The following EML5 variants were observed in gnomAD, a reference collection of about 807,000 sequenced individuals.
EML5 encodes the protein echinoderm microtubule-associated protein-like 5.
A neutral mutation model predicts 250.0 loss-of-function variants in EML5; 120 were observed. The observed-to-expected ratio is 0.48, with a 90% CI of 0.41 to 0.56. The LOEUF is 0.56. EML5 is among the 20% of genes least tolerant of loss of function. EML5 has a pLI of 0.00. For synonymous variants in EML5, 771 were observed against 806.5 expected (o/e 0.96, Z 0.75); for missense variants, 2,006 against 2,437.6 (o/e 0.82, Z 3.73).
chr14:88,738,496 C>A (rs996318433), intron 6 of EML5, among the ~76,000 whole-genome samples: 1 of 151,554 alleles, frequency 6.6e-6, no homozygotes, highest in Non-Finnish European at 1.5e-5. Flanking sequence ...TTATCCTGAA[C>A]AAAAGTTTCC....
rs748201571 is a variant in EML5, at chr14:88,712,370, C to T, written c.1558G>A (p.Asp520Asn). ...TAATTTCCATCTACTGAATTTATAT[C>T]GTTGATATCTGAATACTTGGGCCAA... ...GIWPKYSDIN[D>N]INSVDGNYIG... The change falls in exon 10 of 44, where the codon GAT becomes AAT. Residue 520 changes from aspartate to asparagine, a missense_variant. By Grantham distance (23) the Asp-to-Asn change is conservative. Coordinates refer to ENST00000554922, the MANE Select transcript of EML5 (RefSeq NM_183387.3). The T allele has an allele frequency of 6.2e-6, 10 of 1,613,266 alleles. No homozygotes were observed. The highest frequency in any genetic ancestry group is 7.6e-6 in the Non-Finnish European group (9 of 1,179,438).
intron 21 of EML5, among the ~76,000 whole-genome samples, chr14:88,673,134 C>T (rs2092511640): frequency 6.6e-6 from 1 of 152,138 alleles, no homozygotes; most frequent in African/African-American, 2.4e-5. Flanking sequence ...ATGCAAAAGT[C>T]CTCAATAAAA....
intron 31 of EML5, among the ~76,000 whole-genome samples, chr14:88,642,433 A>G (rs1212588294): frequency 1.3e-5 from 2 of 152,168 alleles, no homozygotes; most frequent in African/African-American, 2.4e-5. Flanking sequence ...ACAGATAAAC[A>G]GCTTTCTTAG....
chr14:88,658,131 A>T, intron 26 of EML5, 56 bp downstream of exon 26: 2 of 1,545,330 alleles, frequency 1.3e-6, no homozygotes, highest in Non-Finnish European at 1.8e-6. Context: ...CACAGCTTAA[A>T]CAAGTTGTGC....
At chr14:88,768,417 CT>C (rs57996765) in intron 1 of EML5, among the ~76,000 whole-genome samples, 27 of 148,140 alleles carry the variant, frequency 1.8e-4, no homozygotes, top group African/African-American at 2.2e-4. Flanking sequence ...ATGTGATTGT[CT>C]TTTTTTTTTT....
intron 1 of EML5, among the ~76,000 whole-genome samples, chr14:88,779,715 A>C (rs2094478445): frequency 6.6e-6 from 1 of 152,156 alleles, no homozygotes. Context: ...TTCTCCATTA[A>C]TCCTTAGTTT....
chr14:88,707,192 C>A (rs1474150681), intron 10 of EML5, among the ~76,000 whole-genome samples: 3 of 151,804 alleles, frequency 2.0e-5, no homozygotes, highest in Admixed American at 2.0e-4. Flanking sequence ...TGGTATACAC[C>A]CAATTTCTCC....
chr14:88,787,506 A>T (rs556851726), intron 1 of EML5, among the ~76,000 whole-genome samples: 1 of 152,344 alleles, frequency 6.6e-6, no homozygotes, highest in African/African-American at 2.4e-5. Flanking sequence ...AATAAAGGAA[A>T]ATAATTAAAT....
intron 10 of EML5, among the ~76,000 whole-genome samples, chr14:88,711,239 T>G (rs2093400936): frequency 6.6e-6 from 1 of 151,254 alleles, no homozygotes; most frequent in South Asian, 2.1e-4. Flanking sequence ...CACCTAAATC[T>G]CATCTCGAAT....
chr14:88,646,889 A>G (rs1344940473), intron 29 of EML5, 58 bp downstream of exon 29: 1 of 1,558,688 alleles, frequency 6.4e-7, no homozygotes. Context: ...AATGCTAAAT[A>G]TGGAAGATGA....
intron 25 of EML5, among the ~76,000 whole-genome samples, chr14:88,658,729 T>TA (rs1412926242): frequency 1.3e-5 from 2 of 152,066 alleles, no homozygotes; most frequent in Non-Finnish European, 2.9e-5. Context: ...GCTATCTGTG[T>TA]AAAAAAATAC....
In EML5 at chr14:88,704,889, T is replaced by A; in HGVS notation, c.2022A>T (p.Gly674=). The A allele has an allele frequency of 6.2e-7, 1 of 1,613,148 alleles. No homozygotes were observed. Among genetic ancestry groups the A allele is most frequent in the East Asian group, 2.2e-5 (1 of 44,798 alleles). ...GAACAAAGTGTAATCGAATACTATT[T>A]CCTGGAGCCCGCTCTCTTCTTTTAG... ...ATSKRRERAP[G]NSIRLHFVHG... The change falls in exon 13 of 44, where the codon GGA becomes GGT. Residue 674 remains glycine (G), a synonymous_variant. Transcript: ENST00000554922.
chr14:88,622,541 G>A (rs774845375), intron 37 of EML5, 63 bp downstream of exon 37: 597 of 1,281,514 alleles, frequency 4.7e-4, no homozygotes, highest in Non-Finnish European at 6.0e-4. Flanking sequence ...AAGGGTGAGG[G>A]AATCACAGTA....
At chr14:88,622,895 A>T in intron 36 of EML5, 177 bp from the exon 37 acceptor site, 1 of 429,662 alleles carries the variant, frequency 2.3e-6, no homozygotes. Flanking sequence ...ACTATATCTC[A>T]GTCAAAATAA....
intron 31 of EML5, among the ~76,000 whole-genome samples, chr14:88,640,718 A>C (rs190777876): frequency 6.6e-6 from 1 of 152,286 alleles, no homozygotes; most frequent in East Asian, 1.9e-4. Context: ...CAGAGCAGAA[A>C]TGAACAATAC....
chr14:88,689,641 G>A (rs1370738020), intron 17 of EML5, among the ~76,000 whole-genome samples: 4 of 152,190 alleles, frequency 2.6e-5, no homozygotes, highest in African/African-American at 9.7e-5. Context: ...GGCTGAGGCA[G>A]GAGGCTAGCT....
intron 30 of EML5, among the ~76,000 whole-genome samples, chr14:88,643,244 G>C (rs1333469074): frequency 1.3e-5 from 2 of 152,002 alleles, no homozygotes; most frequent in African/African-American, 4.8e-5. Context: ...ATAAAGTTAT[G>C]AAAAGGAAAA....
At chr14:88,712,156 C>A in intron 10 of EML5, 115 bp downstream of exon 10, 1 of 686,084 alleles carries the variant, frequency 1.5e-6, no homozygotes, top group South Asian at 2.1e-5. Context: ...AACCCTTCAC[C>A]AATCAGTGTA....
chr14:88,780,880 GC>G, intron 1 of EML5, among the ~76,000 whole-genome samples: 1 of 151,972 alleles, frequency 6.6e-6, no homozygotes, highest in South Asian at 2.1e-4. Context: ...GCTGAGTGGG[GC>G]CCCTTATAAA....
Sources: gnomAD v4.1 joint callset for allele counts (sites outside exome capture counted in the v4.1 genomes callset) on GRCh38, gnomAD v4.1.1 for gene constraint, MANE v1.5 for transcripts, NCBI Gene and HGNC (gene_info 2026-07-23, HGNC 2026-07-21) for gene names.